The following FOXN3 variants were observed in gnomAD, a reference collection of about 807,000 sequenced individuals.
The protein encoded by FOXN3 is forkhead box N3.
In FOXN3, 7 loss-of-function variants were observed where a neutral mutation model predicts 38.4. The observed-to-expected ratio is 0.18, with a 90% CI of 0.10 to 0.34. The LOEUF (loss-of-function observed/expected upper bound fraction) is 0.34. FOXN3 is among the 10% of genes least tolerant of loss of function. The probability of loss-of-function intolerance (pLI) is 1.00; values close to 1 mark genes in which losing one functional copy is unlikely to be tolerated. For missense variants in FOXN3, 456 were observed against 613.4 expected (o/e 0.74, Z 2.71); for synonymous variants, 230 against 242.2 (o/e 0.95, Z 0.47).
At position 89,240,686 on chromosome 14, in the gene FOXN3, G is replaced by A. The variant is rs74797849; in HGVS notation, c.745+40264C>T. On this transcript the variant is annotated intron_variant, in intron 4 of 5. Transcript: ENST00000557258. ...AATGATACAGAGGAAACTGGTCATC[G>A]TGGTTACCTCCGGGGAGGAGGTTAG... 4.2e-3 allele frequency among the ~76,000 whole-genome samples: 643 copies of A among 152,372 alleles called. 3 individuals carry two copies. Among genetic ancestry groups the A allele is most frequent in the African/African-American group, 0.015 (617 of 41,590 alleles).
chr14:89,450,074 A>C (rs1892584776), intron 1 of FOXN3, among the ~76,000 whole-genome samples: 1 of 152,208 alleles, frequency 6.6e-6, no homozygotes, highest in Admixed American at 6.5e-5. Flanking sequence ...ATGGAGTCAG[A>C]GCCAATGGCC....
chr14:89,229,641 T>A (rs1258309496), intron 4 of FOXN3, among the ~76,000 whole-genome samples: 1 of 152,188 alleles, frequency 6.6e-6, no homozygotes, highest in African/African-American at 2.4e-5. Flanking sequence ...CCGATGGTGT[T>A]TCTTTAGTAG....
At chr14:89,358,671 T>A (rs1596213179) in intron 2 of FOXN3, among the ~76,000 whole-genome samples, 1 of 152,222 alleles carries the variant, frequency 6.6e-6, no homozygotes, top group Non-Finnish European at 1.5e-5. Context: ...TTAGAATACA[T>A]GGGTCCTCAT....
At chr14:89,519,941 A>G (rs149745018) in intron 1 of FOXN3, among the ~76,000 whole-genome samples, 2,529 of 152,290 alleles carry the variant, frequency 0.017, 67 homozygotes, top group African/African-American at 0.056. Flanking sequence ...AAAAGCTATA[A>G]AAGAATCTAC....
chr14:89,338,082 G>C lies in FOXN3; in HGVS notation c.680+12590C>G, dbSNP rs549251997. On this transcript the variant is annotated intron_variant, in intron 3 of 5. Transcript: ENST00000557258. ...GACCAGGTCCAAACAGTCTGGCCTC[G>C]TGCATACCCAGAGGGACACTCGGAC... Among the ~76,000 whole-genome samples, 4 of 152,230 alleles carry C rather than the reference G, an allele frequency of 2.6e-5. No individual in the cohort carries two copies. In the East Asian group the frequency reaches 5.8e-4, roughly 22 times the overall value.
In FOXN3 at chr14:89,521,358, T is replaced by TAGAGAGAG. The variant is rs199686142; in HGVS notation, c.-15+97662_-15+97669dup. Among the ~76,000 whole-genome samples, 748 of 125,036 alleles carry TAGAGAGAG rather than the reference T, an allele frequency of 6.0e-3. 5 individuals carry two copies. Among genetic ancestry groups the TAGAGAGAG allele is most frequent in the African/African-American group, 0.018 (664 of 37,124 alleles). The allele number at this position is 125,036 out of a possible 152,430, so 82.0% of individuals were successfully genotyped here. A position where few individuals can be genotyped will look rare whatever the true frequency, so the allele number is the denominator to read the frequency against. ...ATGATGAATCTTCATAGATGATAGA[T>TAGAGAGAG]AGAGAGAGAGAGAGAGAGAGAGAGA... On this transcript the variant is annotated intron_variant, in intron 1 of 6. Transcript: ENST00000345097.
rs1024812698 is a variant in FOXN3, at chr14:89,164,446, T to C, written c.852-1477A>G. Among the ~76,000 whole-genome samples, 4 of 152,160 alleles carry C rather than the reference T, an allele frequency of 2.6e-5. No individual in the cohort carries two copies. The highest frequency in any genetic ancestry group is 9.7e-5 in the African/African-American group (4 of 41,424). ...CTGGGGAACATGACCATACTTTTCC[T>C]GCCTAGATGACCCCAACTGTAAGTA... is the stretch of plus-strand genomic sequence containing the variant. On this transcript the variant is annotated intron_variant, in intron 5 of 5. Coordinates refer to ENST00000557258, the MANE Select transcript of FOXN3 (RefSeq NM_005197.4). This position sits in a 1 kb window ranked among gnomAD's most constrained non-coding sequence, Gnocchi z 4.3.
At chr14:89,509,057 C>G (rs1007169844) in intron 1 of FOXN3, among the ~76,000 whole-genome samples, 1 of 152,152 alleles carries the variant, frequency 6.6e-6, no homozygotes, top group African/African-American at 2.4e-5. Context: ...TGATACTGCT[C>G]TGAGCTCATC....
chr14:89,531,660 T>C (rs987668483), intron 1 of FOXN3, among the ~76,000 whole-genome samples: 1 of 152,262 alleles, frequency 6.6e-6, no homozygotes, highest in African/African-American at 2.4e-5. Context: ...TGTTAAAATA[T>C]AGGTTTGGAT....
intron 1 of FOXN3, among the ~76,000 whole-genome samples, chr14:89,563,122 C>A (rs1250704709): frequency 6.6e-6 from 1 of 152,198 alleles, no homozygotes; most frequent in Non-Finnish European, 1.5e-5. Flanking sequence ...GGCTTACAGT[C>A]CTATCTGCAA....
At chr14:89,364,170 C>A (rs1468231636) in intron 2 of FOXN3, among the ~76,000 whole-genome samples, 1 of 149,566 alleles carries the variant, frequency 6.7e-6, no homozygotes, top group African/African-American at 2.5e-5. Flanking sequence ...GCAAAAAGAA[C>A]AAAACTGATT....
rs1453472051 is a variant in FOXN3, at chr14:89,159,443, T to C, written c.*2971A>G. The C allele has an allele frequency of 6.6e-6, 1 of 152,652 alleles. No individual in the cohort carries two copies. The highest frequency in any genetic ancestry group is 1.5e-5 in the Non-Finnish European group (1 of 68,038). The allele number at this position is 152,652 out of a possible 1,614,324, so 9.5% of individuals were successfully genotyped here. A position where few individuals can be genotyped will look rare whatever the true frequency, so the allele number is the denominator to read the frequency against. On this transcript the variant is annotated 3_prime_UTR_variant, in exon 6 of 6. Coordinates refer to ENST00000557258, the MANE Select transcript of FOXN3 (RefSeq NM_005197.4). ...AGAAAGCTGCCCGATGAGGTATTTA[T>C]GCAAAAAGAGTGGTTCTGGAGTTAA... is the stretch of plus-strand genomic sequence containing the variant.
intron 5 of FOXN3, among the ~76,000 whole-genome samples, chr14:89,180,109 C>A (rs1887627198): frequency 6.6e-6 from 1 of 152,190 alleles, no homozygotes; most frequent in Admixed American, 6.5e-5. Context: ...GGACCCTGAT[C>A]CGGGGCTGAC....
chr14:89,411,785 C>A (rs1011259878), intron 2 of FOXN3, 149 bp downstream of exon 2: 20 of 482,710 alleles, frequency 4.1e-5, no homozygotes, highest in Admixed American at 3.9e-5. Flanking sequence ...AAAGGAAATT[C>A]TTTAAAATTA....
intron 4 of FOXN3, among the ~76,000 whole-genome samples, chr14:89,261,878 A>C (rs1185655316): frequency 6.6e-6 from 1 of 152,200 alleles, no homozygotes; most frequent in Non-Finnish European, 1.5e-5. Context: ...CAGTGAGCCA[A>C]GATCATGTCA....
chr14:89,214,303 C>G (rs547600711), intron 4 of FOXN3, among the ~76,000 whole-genome samples: 2 of 152,218 alleles, frequency 1.3e-5, no homozygotes, highest in Non-Finnish European at 2.9e-5. Context: ...CAGGTTTGTA[C>G]GTGCAAGTCC....
At chr14:89,384,804 C>A (rs1172390372) in intron 2 of FOXN3, among the ~76,000 whole-genome samples, 1 of 152,162 alleles carries the variant, frequency 6.6e-6, no homozygotes, top group Non-Finnish European at 1.5e-5. Flanking sequence ...ACAGGATGAA[C>A]AGGCCTTAGC....
chr14:89,582,043 A>T (rs1895750908), intron 1 of FOXN3, among the ~76,000 whole-genome samples: 1 of 152,188 alleles, frequency 6.6e-6, no homozygotes, highest in Non-Finnish European at 1.5e-5. Flanking sequence ...AAATTTTTTC[A>T]GGTCTTCTGC....
chr14:89,408,501 G>A (rs1030703556), intron 2 of FOXN3, among the ~76,000 whole-genome samples: 14 of 150,912 alleles, frequency 9.3e-5, no homozygotes, highest in African/African-American at 2.7e-4. Flanking sequence ...CAATCCTCCC[G>A]CCTTGGCCTC....
Sources: allele counts gnomAD v4.1 joint callset (sites outside exome capture counted in the v4.1 genomes callset), GRCh38; gene constraint gnomAD v4.1.1; non-coding constraint Gnocchi (gnomAD v3.1); transcripts MANE v1.5; gene names NCBI Gene and HGNC (gene_info 2026-07-23, HGNC 2026-07-21).